The following MAPKAPK2 variants were observed in gnomAD, a reference collection of about 807,000 sequenced individuals.
MAPKAPK2 encodes the protein MAP kinase-activated protein kinase 2.
A neutral mutation model predicts 48.8 loss-of-function variants in MAPKAPK2; 9 were observed. That is an observed-to-expected ratio of 0.18 (90% confidence interval 0.11 to 0.32). The LOEUF is 0.32. Among genes scored for constraint, MAPKAPK2 ranks in the 10% least tolerant of loss-of-function variants. The pLI is 1.00. For missense variants in MAPKAPK2, 331 were observed against 498.3 expected (o/e 0.66, Z 3.20); for synonymous variants, 202 against 190.6 (o/e 1.06, Z -0.49).
intron 1 of MAPKAPK2, among the ~76,000 whole-genome samples, chr1:206,690,465 CA>C (rs1672423711): frequency 6.6e-6 from 1 of 152,190 alleles, no homozygotes; most frequent in South Asian, 2.1e-4. Context: ...GCCTTAGGGC[CA>C]AATATTGGTG....
rs964407710 is a variant in MAPKAPK2, at chr1:206,732,994, C to T, written c.*276C>T. ...TCAGTAATTTGACTTAGAGTTTTTA[C>T]GAAACCTCTTTTGTTGTCCTTGCCC... On this transcript the variant is annotated 3_prime_UTR_variant, in exon 10 of 10. Transcript: ENST00000367103. This position sits in a 1 kb window ranked among gnomAD's most constrained non-coding sequence, Gnocchi z 4.4. The T allele has an allele frequency of 1.3e-4, 57 of 422,754 alleles. No homozygotes were observed. The highest frequency in any genetic ancestry group is 1.8e-4 in the Non-Finnish European group (43 of 234,452). The allele number at this position is 422,754 out of a possible 1,614,324, so 26.2% of individuals were successfully genotyped here. A position where few individuals can be genotyped will look rare whatever the true frequency, so the allele number is the denominator to read the frequency against.
At position 206,685,279 on chromosome 1, in the gene MAPKAPK2, C is replaced by G; in HGVS notation, c.50C>G (p.Pro17Arg). 4.0e-6 allele frequency: 2 copies of G among 501,568 alleles called. No individual in the cohort carries two copies. Among genetic ancestry groups the G allele is most frequent in the Admixed American group, 4.1e-5 (1 of 24,562 alleles). 31.1% of individuals were successfully genotyped at this position (501,568 alleles called of 1,614,324 possible). ...AGCCCGCCGGTGCCGTTCCCCGCCC[C>G]GGCCCCGCCGCCGCAGCCCCCCACC... ...GQSPPVPFPAPAPPPQPPTPA... is the reference protein window; with the variant it reads ...GQSPPVPFPARAPPPQPPTPA... The change falls in exon 1 of 10, where the codon CCG (proline) becomes CGG (arginine). Residue 17 changes from proline (P) to arginine (R), a missense_variant. Transcript: ENST00000367103.
intron 1 of MAPKAPK2, among the ~76,000 whole-genome samples, chr1:206,710,705 G>A (rs1310040891): frequency 4.6e-5 from 7 of 152,204 alleles, no homozygotes; most frequent in African/African-American, 1.7e-4. Context: ...AAGGCACCTT[G>A]AAGATATTTC....
chr1:206,700,896 G>A (rs1672773660), intron 1 of MAPKAPK2, among the ~76,000 whole-genome samples: 1 of 152,232 alleles, frequency 6.6e-6, no homozygotes, highest in Non-Finnish European at 1.5e-5. Flanking sequence ...GGCACCAGGT[G>A]TCAGGCCCTA....
intron 1 of MAPKAPK2, among the ~76,000 whole-genome samples, chr1:206,714,907 C>G (rs1368566964): frequency 6.6e-6 from 1 of 152,094 alleles, no homozygotes; most frequent in Non-Finnish European, 1.5e-5. Flanking sequence ...TGAGCTTGGT[C>G]TAGTGCCTGG....
At position 206,700,146 on chromosome 1, in the gene MAPKAPK2, T is replaced by C. The variant is rs1012603333; in HGVS notation, c.279+14638T>C. Among the ~76,000 whole-genome samples, 6 of 152,228 alleles carry C rather than the reference T, an allele frequency of 3.9e-5. 1 individual carries two copies. The highest frequency in any genetic ancestry group is 3.9e-4 in the East Asian group (2 of 5,180). ...TTCCTGTGTAGTTTTTCTTTTGTCC[T>C]TCCTTTCCCATCCACACTTTCCACT... On this transcript the variant is annotated intron_variant, in intron 1 of 9. Transcript: ENST00000367103.
intron 1 of MAPKAPK2, among the ~76,000 whole-genome samples, chr1:206,725,950 A>G (rs781799017): frequency 1.2e-4 from 18 of 152,186 alleles, no homozygotes; most frequent in Non-Finnish European, 2.1e-4. Flanking sequence ...TGGTTTTGAC[A>G]TTCAGTGCAA....
At chr1:206,717,421 T>G (rs1157463022) in intron 1 of MAPKAPK2, among the ~76,000 whole-genome samples, 1 of 152,222 alleles carries the variant, frequency 6.6e-6, no homozygotes, top group Non-Finnish European at 1.5e-5. Flanking sequence ...AAGAAATATC[T>G]CTGTCCCCAT....
intron 1 of MAPKAPK2, among the ~76,000 whole-genome samples, chr1:206,719,350 G>A (rs552474766): frequency 1.6e-4 from 24 of 152,312 alleles, no homozygotes; most frequent in African/African-American, 4.6e-4. Flanking sequence ...GCAGTGACGC[G>A]TGGTTGTTTT....
chr1:206,709,985 G>A (rs191455198), intron 1 of MAPKAPK2, among the ~76,000 whole-genome samples: 7 of 152,190 alleles, frequency 4.6e-5, no homozygotes, highest in African/African-American at 1.7e-4. Flanking sequence ...GTAGAGCTTA[G>A]TCACCGAGAA....
At chr1:206,715,874 C>G (rs1673311625) in intron 1 of MAPKAPK2, among the ~76,000 whole-genome samples, 1 of 151,768 alleles carries the variant, frequency 6.6e-6, no homozygotes, top group Non-Finnish European at 1.5e-5. Context: ...TTTTTGTATC[C>G]TCTTAGTCAT....
At chr1:206,686,591 T>C (rs1174908071) in intron 1 of MAPKAPK2, among the ~76,000 whole-genome samples, 1 of 152,144 alleles carries the variant, frequency 6.6e-6, no homozygotes, top group Non-Finnish European at 1.5e-5. Flanking sequence ...GTCTCAATGA[T>C]TGGAGGAGGA....
chr1:206,730,920 T>C (rs1489727227), intron 6 of MAPKAPK2, among the ~76,000 whole-genome samples, 157 bp downstream of exon 6: 1 of 152,132 alleles, frequency 6.6e-6, no homozygotes, highest in African/African-American at 2.4e-5. Context: ...GTGGCGGGTG[T>C]AAACCAGCTC....
chr1:206,687,430 A>C (rs868954470), intron 1 of MAPKAPK2, among the ~76,000 whole-genome samples: 3 of 152,374 alleles, frequency 2.0e-5, no homozygotes, highest in Non-Finnish European at 2.9e-5. Context: ...GTGGGCGAAG[A>C]GTGAAGTCAG....
At chr1:206,693,847 A>G (rs1217579384) in intron 1 of MAPKAPK2, among the ~76,000 whole-genome samples, 6 of 152,334 alleles carry the variant, frequency 3.9e-5, no homozygotes, top group Admixed American at 2.0e-4. Flanking sequence ...GCGTCCAAGA[A>G]TAACTGGGCC....
chr1:206,730,880 C>A (rs115599172), intron 6 of MAPKAPK2, 117 bp downstream of exon 6: 5 of 1,122,880 alleles, frequency 4.5e-6, no homozygotes, highest in Non-Finnish European at 5.3e-6. Flanking sequence ...GAGTCCCCTG[C>A]GTGCCCCTTC....
At chr1:206,685,806 T>A (rs1672271306) in intron 1 of MAPKAPK2, among the ~76,000 whole-genome samples, 1 of 151,994 alleles carries the variant, frequency 6.6e-6, no homozygotes, top group Non-Finnish European at 1.5e-5. Flanking sequence ...TCAGAACGGT[T>A]GGCTTCGGGA....
rs569844307 is a variant in MAPKAPK2 at position 206,731,318 on chromosome 1, G to A, written c.892+56G>A. 9.4e-6 allele frequency: 15 copies of A among 1,593,588 alleles called. No homozygotes were observed. The South Asian group carries it at 1.5e-4, about 15-fold the overall frequency. ...AGAGCCCGTGTGTGTGTGTGTGTGT[G>A]TATGTGTGTACACGCAGACACATGT... On this transcript the variant is annotated intron_variant, in intron 7 of 9. Coordinates refer to ENST00000367103, the MANE Select transcript of MAPKAPK2 (RefSeq NM_032960.4). The surrounding 1 kb of genome is among the most constrained non-coding windows in gnomAD (Gnocchi z 5.9).
chr1:206,708,529 T>A (rs1673035769), intron 1 of MAPKAPK2, among the ~76,000 whole-genome samples: 1 of 152,212 alleles, frequency 6.6e-6, no homozygotes, highest in Admixed American at 6.5e-5. Context: ...TTGTAGTAAA[T>A]TGCAGACATC....
Sources: gnomAD v4.1 joint callset for allele counts (sites outside exome capture counted in the v4.1 genomes callset) on GRCh38, gnomAD v4.1.1 for gene constraint, Gnocchi (gnomAD v3.1) non-coding constraint, MANE v1.5 for transcripts, NCBI Gene and HGNC (gene_info 2026-07-23, HGNC 2026-07-21) for gene names.